Variants in SIMC1 observed in about 807,000 individuals in gnomAD.
SIMC1 encodes the protein SUMO interacting motifs containing 1.
Under a neutral mutation model 82.3 loss-of-function variants are expected in SIMC1, and 55 were observed. That is an observed-to-expected ratio of 0.67 (90% CI 0.54 to 0.84). The LOEUF (loss-of-function observed/expected upper bound fraction) is 0.84, where lower values mean the gene tolerates loss of function less well. SIMC1 is among the 40% of genes least tolerant of loss of function. The probability of loss-of-function intolerance (pLI) is 0.00; values close to 1 mark genes in which losing one functional copy is unlikely to be tolerated. For synonymous variants in SIMC1, 353 were observed against 426.3 expected (o/e 0.83, Z 2.12); for missense variants, 915 against 1,107.2 (o/e 0.83, Z 2.46).
At chr5:176,245,047 T>A (rs1761391983) in intron 1 of SIMC1, among the ~76,000 whole-genome samples, 1 of 152,190 alleles carries the variant, frequency 6.6e-6, no homozygotes, top group African/African-American at 2.4e-5. Flanking sequence ...TTGTTAAATC[T>A]ACTTATATAT....
intron 7 of SIMC1, among the ~76,000 whole-genome samples, chr5:176,335,709 G>T (rs1765862119): frequency 6.6e-6 from 1 of 152,002 alleles, no homozygotes; most frequent in African/African-American, 2.4e-5. Context: ...TATAAAGCAA[G>T]CCCTGGCACA....
At chr5:176,292,766 C>T (rs1215899829) in intron 2 of SIMC1, among the ~76,000 whole-genome samples, 1 of 152,176 alleles carries the variant, frequency 6.6e-6, no homozygotes, top group Non-Finnish European at 1.5e-5. Flanking sequence ...GTCTTGAACT[C>T]CTGACCTCAA....
At chr5:176,277,112 G>C (rs998171123) in intron 1 of SIMC1, among the ~76,000 whole-genome samples, 1 of 151,800 alleles carries the variant, frequency 6.6e-6, no homozygotes, top group African/African-American at 2.4e-5. Context: ...AGCACCTGTC[G>C]TTTCCTGACT....
At chr5:176,242,087 G>A (rs975982485) in intron 1 of SIMC1, among the ~76,000 whole-genome samples, 1 of 152,138 alleles carries the variant, frequency 6.6e-6, no homozygotes, top group African/African-American at 2.4e-5. Context: ...TTGTTACCGT[G>A]ATACACAGTT....
chr5:176,250,596 A>C (rs1369460397), intron 1 of SIMC1, among the ~76,000 whole-genome samples: 1 of 152,158 alleles, frequency 6.6e-6, no homozygotes, highest in Non-Finnish European at 1.5e-5. Context: ...GTGGGAGTCT[A>C]AGTCTCTTTG....
chr5:176,336,638 T>A, intron 7 of SIMC1, 82 bp from the exon 8 acceptor site: 1 of 1,537,352 alleles, frequency 6.5e-7, no homozygotes, highest in Non-Finnish European at 8.8e-7. Context: ...GGACAAATGT[T>A]GTACATTCAG....
intron 4 of SIMC1, chr5:176,313,468 T>G: frequency 6.5e-7 from 1 of 1,550,074 alleles, no homozygotes; most frequent in South Asian, 1.2e-5. Flanking sequence ...AAAAAATGGT[T>G]TCTGAAACCT....
intron 1 of SIMC1, among the ~76,000 whole-genome samples, chr5:176,264,549 A>G (rs1762126243): frequency 6.6e-6 from 1 of 151,540 alleles, no homozygotes; most frequent in East Asian, 1.9e-4. Flanking sequence ...CTGAATTTGG[A>G]TTGGGCTCCT....
chr5:176,342,995 A>G (rs1042927530), intron 9 of SIMC1, among the ~76,000 whole-genome samples: 2 of 152,288 alleles, frequency 1.3e-5, no homozygotes, highest in African/African-American at 4.8e-5. Flanking sequence ...TTGAAGGTTG[A>G]AAGGGCCTTG....
chr5:176,308,780 G>A, intron 4 of SIMC1: 1 of 1,294,484 alleles, frequency 7.7e-7, no homozygotes, highest in South Asian at 1.2e-5. Flanking sequence ...CCAAGATCCT[G>A]TGCCAGGAGG....
chr5:176,253,198 C>G (rs1385994841), intron 1 of SIMC1, among the ~76,000 whole-genome samples: 1 of 152,236 alleles, frequency 6.6e-6, no homozygotes, highest in Admixed American at 6.5e-5. Flanking sequence ...TATTGGCCCC[C>G]ACTCTCTTCT....
Position 176,322,329 on chromosome 5 carries a change from C to T in SIMC1, c.1946C>T (p.Pro649Leu), listed in dbSNP as rs747134412. The T allele has an allele frequency of 1.9e-6, 3 of 1,590,178 alleles. No individual in the cohort carries two copies. Among genetic ancestry groups the T allele is most frequent in the East Asian group, 4.5e-5 (2 of 44,050 alleles). Residue 649 changes from proline to leucine, a missense_variant, in exon 6 of 10, where the codon CCA becomes CTA. This residue lies in a region of SIMC1 where 902 missense variants were observed against 1,040.3 expected (regional missense o/e 0.87). Coordinates refer to ENST00000429602, the MANE Select transcript of SIMC1 (RefSeq NM_001308195.2). ...AVTEDGLTQP[P>L]NGNQTSSGTG... is the part of the protein sequence containing the mutation. Reference sequence around the variant, plus strand: ...ACTGAAGATGGATTGACTCAGCCCCCAAATGGAAATCAAACGTCTTCAGGA... The same window carrying T: ...ACTGAAGATGGATTGACTCAGCCCCTAAATGGAAATCAAACGTCTTCAGGA...
rs192216444 is a variant in SIMC1, at chr5:176,253,009, C to T, written c.129+14372C>T. On this transcript the variant is annotated intron_variant, in intron 1 of 9. Coordinates refer to ENST00000429602, the MANE Select transcript of SIMC1 (RefSeq NM_001308195.2). ...ACGAAAACCAGTCAGGCGTGGCGCG[C>T]GCGCCTGCAATCGCAGGCACTCAGC... Among the ~76,000 whole-genome samples, 1,176 of 152,290 alleles carry T rather than the reference C, an allele frequency of 7.7e-3. 11 individuals carry two copies. The highest frequency in any genetic ancestry group is 0.027 in the African/African-American group (1,115 of 41,558).
chr5:176,252,205 G>C (rs1328355792), intron 1 of SIMC1, among the ~76,000 whole-genome samples: 1 of 99,582 alleles, frequency 1.0e-5, no homozygotes, highest in East Asian at 2.8e-4. Flanking sequence ...CTGGCCGGGC[G>C]GGGGGCTGAC....
intron 1 of SIMC1, among the ~76,000 whole-genome samples, chr5:176,265,624 T>C (rs1762177936): frequency 6.6e-6 from 1 of 152,142 alleles, no homozygotes; most frequent in South Asian, 2.1e-4. Flanking sequence ...AGTTATTTCC[T>C]AGTTTCACTC....
At chr5:176,252,789 G>A (rs1404498730) in intron 1 of SIMC1, among the ~76,000 whole-genome samples, 2 of 152,344 alleles carry the variant, frequency 1.3e-5, no homozygotes, top group African/African-American at 4.8e-5. Flanking sequence ...CAAGGCAGGC[G>A]GCTGGGAGGT....
chr5:176,262,897 A>G (rs1762066223), intron 1 of SIMC1, among the ~76,000 whole-genome samples: 1 of 151,724 alleles, frequency 6.6e-6, no homozygotes, highest in Non-Finnish European at 1.5e-5. Flanking sequence ...AATCTCAAAG[A>G]ATCTAGAAAA....
chr5:176,276,089 A>G (rs1220945279), intron 1 of SIMC1, among the ~76,000 whole-genome samples: 1 of 151,574 alleles, frequency 6.6e-6, no homozygotes, highest in East Asian at 1.9e-4. Flanking sequence ...TCGGCTGTGA[A>G]TCCATCTGAT....
intron 2 of SIMC1, among the ~76,000 whole-genome samples, chr5:176,291,582 C>A (rs1277663523): frequency 6.6e-6 from 1 of 151,942 alleles, no homozygotes; most frequent in Non-Finnish European, 1.5e-5. Context: ...GTGATCCACC[C>A]GCCTCGGCCT....
Sources: allele counts gnomAD v4.1 joint callset (sites outside exome capture counted in the v4.1 genomes callset), GRCh38; gene constraint gnomAD v4.1.1; regional missense constraint gnomAD v4.1.1; transcripts MANE v1.5; gene names NCBI Gene and HGNC (gene_info 2026-07-23, HGNC 2026-07-21).